Variants in RSPO2 observed in about 807,000 individuals in gnomAD.
RSPO2 encodes the protein R-spondin-2.
RSPO2 carries 14 observed loss-of-function variants against 30.9 expected under a neutral mutation model. The ratio of observed to expected loss-of-function variants is 0.45; its 90% CI spans 0.30 to 0.71. The LOEUF (loss-of-function observed/expected upper bound fraction) is 0.71. RSPO2 is among the 30% of genes least tolerant of loss of function. The pLI, the probability that RSPO2 is intolerant of heterozygous loss-of-function variation, is 0.08. For synonymous variants in RSPO2, 107 were observed against 96.4 expected (o/e 1.11, Z -0.64); for missense variants, 264 against 301.9 (o/e 0.87, Z 0.93).
intron 2 of RSPO2, among the ~76,000 whole-genome samples, chr8:108,017,902 C>T (rs988954580): frequency 4.6e-5 from 7 of 152,144 alleles, no homozygotes; most frequent in Non-Finnish European, 8.8e-5. Flanking sequence ...TGTGGGCTGT[C>T]AGCACTTAAC....
intron 2 of RSPO2, among the ~76,000 whole-genome samples, chr8:108,021,470 A>T (rs1811054773): frequency 6.6e-6 from 1 of 152,192 alleles, no homozygotes; most frequent in Non-Finnish European, 1.5e-5. Flanking sequence ...TTCAGTTTAA[A>T]GCATCAATGT....
chr8:107,961,116 A>G (rs1813612512), intron 3 of RSPO2, among the ~76,000 whole-genome samples: 1 of 152,216 alleles, frequency 6.6e-6, no homozygotes, highest in East Asian at 1.9e-4. Context: ...TTCAAAAGAC[A>G]AAGAAAACAC....
At chr8:108,063,382 C>A (rs918672609) in intron 2 of RSPO2, among the ~76,000 whole-genome samples, 2 of 151,720 alleles carry the variant, frequency 1.3e-5, no homozygotes, top group African/African-American at 2.4e-5. Context: ...TCTTATACAC[C>A]AATAACAGAC....
At chr8:107,995,173 T>C (rs1446201301) in intron 2 of RSPO2, among the ~76,000 whole-genome samples, 1 of 152,170 alleles carries the variant, frequency 6.6e-6, no homozygotes, top group Admixed American at 6.5e-5. Flanking sequence ...TCTCTTTTAT[T>C]TGCATGTTGA....
At chr8:107,906,065 G>A (rs921221628) in intron 5 of RSPO2, among the ~76,000 whole-genome samples, 1 of 151,946 alleles carries the variant, frequency 6.6e-6, no homozygotes, top group South Asian at 2.1e-4. Flanking sequence ...TCATGAGACA[G>A]GCAACAGGAT....
intron 2 of RSPO2, among the ~76,000 whole-genome samples, chr8:108,037,055 A>G (rs1013089874): frequency 6.6e-6 from 1 of 152,160 alleles, no homozygotes; most frequent in Non-Finnish European, 1.5e-5. Context: ...TAGTAACCCT[A>G]CAGTGGCCTC....
chr8:108,055,926 T>C (rs1214400823), intron 2 of RSPO2, among the ~76,000 whole-genome samples: 3 of 152,212 alleles, frequency 2.0e-5, no homozygotes, highest in African/African-American at 4.8e-5. Flanking sequence ...GTTAAGAGCA[T>C]GGCTGGGTCA....
intron 2 of RSPO2, among the ~76,000 whole-genome samples, chr8:108,028,204 C>T (rs1006600334): frequency 2.0e-5 from 3 of 152,130 alleles, no homozygotes. Context: ...ACCTTCTTGA[C>T]CCCCCTAAAC....
intron 3 of RSPO2, among the ~76,000 whole-genome samples, chr8:107,969,661 A>G (rs1813930144): frequency 6.6e-6 from 1 of 152,226 alleles, no homozygotes; most frequent in African/African-American, 2.4e-5. Context: ...AAATGCTTAA[A>G]GAGAATTTTT....
At chr8:107,958,410 G>GA in intron 4 of RSPO2, 142 bp from the exon 5 acceptor site, 2 of 632,528 alleles carry the variant, frequency 3.2e-6, no homozygotes, top group Non-Finnish European at 5.5e-6. Context: ...GTACAGCCTT[G>GA]AAGACCTATA....
At chr8:107,925,021 A>ATAGC (rs1812313568) in intron 5 of RSPO2, among the ~76,000 whole-genome samples, 1 of 152,110 alleles carries the variant, frequency 6.6e-6, no homozygotes, top group African/African-American at 2.4e-5. Context: ...GATAAACCTC[A>ATAGC]TAGCTATCTC....
rs1815066552 is a variant in RSPO2 at position 107,997,413 on chromosome 8, C to T, written c.95-8169G>A. The stretch of plus-strand genomic sequence containing the variant: ...ATGTTTATTTGCTCTCTGTGAGCTT[C>T]AACTTTTCCAACCCTAAAGCCCGCT... On this transcript the variant is annotated intron_variant, in intron 2 of 5. Coordinates refer to ENST00000276659, the MANE Select transcript of RSPO2 (RefSeq NM_178565.5). Among the ~76,000 whole-genome samples, 4 of 152,192 alleles carry T rather than the reference C, an allele frequency of 2.6e-5. No homozygotes were observed. In the South Asian group the frequency reaches 8.3e-4, roughly 31 times the overall value.
chr8:108,013,653 G>A (rs1810778917), intron 2 of RSPO2, among the ~76,000 whole-genome samples: 1 of 152,190 alleles, frequency 6.6e-6, no homozygotes, highest in Non-Finnish European at 1.5e-5. Flanking sequence ...GCCATAGGCA[G>A]AAAACTGAAA....
At chr8:108,058,901 G>A (rs950664501) in intron 2 of RSPO2, among the ~76,000 whole-genome samples, 1 of 151,582 alleles carries the variant, frequency 6.6e-6, no homozygotes, top group Admixed American at 6.6e-5. Context: ...AACCCTAGAA[G>A]AAAACCTAGG....
chr8:108,044,018 A>C (rs184721846), intron 2 of RSPO2, among the ~76,000 whole-genome samples: 138 of 152,220 alleles, frequency 9.1e-4, no homozygotes, highest in Admixed American at 1.4e-3. Context: ...ACAATGCCTG[A>C]TACCCAGTAG....
At chr8:108,064,179 C>A (rs200329974) in intron 2 of RSPO2, among the ~76,000 whole-genome samples, 35 of 152,002 alleles carry the variant, frequency 2.3e-4, no homozygotes, top group African/African-American at 8.4e-4. Context: ...ATTGACAAAT[C>A]GGATCTAATT....
intron 2 of RSPO2, among the ~76,000 whole-genome samples, chr8:108,048,415 T>C (rs1811973103): frequency 1.3e-5 from 2 of 151,808 alleles, no homozygotes; most frequent in Non-Finnish European, 2.9e-5. Flanking sequence ...ATTCTTACCC[T>C]CATGTATTAA....
intron 5 of RSPO2, among the ~76,000 whole-genome samples, chr8:107,931,520 T>C (rs1294546700): frequency 1.3e-5 from 2 of 152,152 alleles, no homozygotes; most frequent in Non-Finnish European, 2.9e-5. Context: ...GAAGAATTAT[T>C]GTACTAAAAA....
chr8:108,067,186 C>A (rs1004831685), intron 2 of RSPO2, among the ~76,000 whole-genome samples: 1 of 152,180 alleles, frequency 6.6e-6, no homozygotes, highest in African/African-American at 2.4e-5. Flanking sequence ...TAGGTACATA[C>A]CCACCAAGTG....
Sources: allele counts gnomAD v4.1 joint callset (sites outside exome capture counted in the v4.1 genomes callset), GRCh38; gene constraint gnomAD v4.1.1; transcripts MANE v1.5; gene names NCBI Gene and HGNC (gene_info 2026-07-23, HGNC 2026-07-21).